The following NANOS3 variants were observed in gnomAD, a reference collection of about 807,000 sequenced individuals.
NANOS3 encodes the protein nanos homolog 3.
A neutral mutation model predicts 13.8 loss-of-function variants in NANOS3; 11 were observed. That is an observed-to-expected ratio of 0.80 (90% CI 0.50 to 1.32). The LOEUF (loss-of-function observed/expected upper bound fraction) is 1.32. Among genes scored for constraint, NANOS3 ranks in the 40% most tolerant of loss-of-function variants. The probability of loss-of-function intolerance (pLI) is 0.00; values close to 1 mark genes in which losing one functional copy is unlikely to be tolerated. For synonymous variants in NANOS3, 119 were observed against 115.4 expected (o/e 1.03, Z -0.20); for missense variants, 221 against 263.8 (o/e 0.84, Z 1.12).
chr19:13,877,379 C>T lies in NANOS3; in HGVS notation c.131C>T (p.Ser44Leu). ...PEPEPMLEPV[S>L]ALEPMPAPES... ...CCAGAGCCAATGCTGGAGCCGGTGTCAGCCCTGGAGCCGATGCCAGCGCCG... is the reference window on the plus strand; with the variant it reads ...CCAGAGCCAATGCTGGAGCCGGTGTTAGCCCTGGAGCCGATGCCAGCGCCG... The change falls in exon 1 of 2, where the codon TCA (serine) becomes TTA (leucine). Residue 44 changes from serine to leucine, a missense_variant. This residue lies in a region of NANOS3 where 112 missense variants were observed against 116.3 expected (regional missense o/e 0.96). Transcript: ENST00000339133. 1.2e-6 allele frequency: 2 copies of T among 1,612,560 alleles called. No homozygotes were observed. Among genetic ancestry groups the T allele is most frequent in the South Asian group, 2.2e-5 (2 of 91,080 alleles).
intron 1 of NANOS3, among the ~76,000 whole-genome samples, chr19:13,868,797 C>T (rs1976281042): frequency 1.3e-5 from 2 of 152,058 alleles, no homozygotes; most frequent in Non-Finnish European, 2.9e-5. Context: ...CTCATAGTGA[C>T]ACCAGCAGAC....
In NANOS3 at chr19:13,880,467, G is replaced by A. The variant is rs765408841; in HGVS notation, c.543G>A (p.Glu181=). 13 of 1,614,042 alleles carry A rather than the reference G, an allele frequency of 8.1e-6. No individual in the cohort carries two copies. In the South Asian group the frequency reaches 1.2e-4, roughly 15 times the overall value. ...GTTTCAGAGGTGCCGGGAAGTCTGA[G>A]CCTTCGCCCTCCTGCTCTCCCTCCA... ...GAGFRGAGKS[E]PSPSCSPSMS... is the part of the protein sequence containing the mutation. The change falls in exon 2 of 2, where the codon GAG becomes GAA. Residue 181 remains glutamate, a synonymous_variant. Transcript: ENST00000339133.
upstream of NANOS3, among the ~76,000 whole-genome samples, chr19:13,862,759 G>A (rs1976177310): frequency 6.6e-6 from 1 of 152,018 alleles, no homozygotes; most frequent in Non-Finnish European, 1.5e-5. Flanking sequence ...GGCTGGTCTC[G>A]AACTCCTGAC....
chr19:13,878,314 C>T (rs1410111839), intron 1 of NANOS3, among the ~76,000 whole-genome samples: 2 of 152,150 alleles, frequency 1.3e-5, no homozygotes, highest in Non-Finnish European at 2.9e-5. Context: ...TCTTGGCTCA[C>T]TGCAACCTCT....
At chr19:13,879,588 C>T (rs753998076) in intron 1 of NANOS3, among the ~76,000 whole-genome samples, 8 of 152,046 alleles carry the variant, frequency 5.3e-5, no homozygotes, top group Non-Finnish European at 8.8e-5. Flanking sequence ...ATTAGCTGGG[C>T]ATGGTAGTGT....
intron 1 of NANOS3, among the ~76,000 whole-genome samples, chr19:13,866,273 G>T (rs546592604): frequency 6.7e-6 from 1 of 148,280 alleles, no homozygotes; most frequent in South Asian, 2.1e-4. Flanking sequence ...GCTGGGGGTG[G>T]GGGGGTGGAA....
upstream of NANOS3, among the ~76,000 whole-genome samples, chr19:13,863,804 A>G (rs1976191594): frequency 6.6e-6 from 1 of 152,102 alleles, no homozygotes; most frequent in African/African-American, 2.4e-5. Context: ...ACCTGGAACC[A>G]GACTTTCTGG....
At chr19:13,872,933 C>G (rs901834245), upstream of NANOS3, among the ~76,000 whole-genome samples, 1 of 145,318 alleles carries the variant, frequency 6.9e-6, no homozygotes, top group Non-Finnish European at 1.5e-5. Flanking sequence ...TTCGGGAGGG[C>G]GAGTTAGCCG....
upstream of NANOS3, chr19:13,874,695 G>A (rs755031315): frequency 2.3e-5 from 12 of 530,486 alleles, no homozygotes; most frequent in Admixed American, 2.3e-4. Flanking sequence ...CCGACTCCAG[G>A]TCCCGGAAAA....
intron 1 of NANOS3, among the ~76,000 whole-genome samples, chr19:13,871,777 G>C (rs1424798348): frequency 2.6e-5 from 4 of 152,184 alleles, no homozygotes; most frequent in African/African-American, 9.7e-5. Flanking sequence ...GGAGGCCCAG[G>C]AGTTCGCGAC....
chr19:13,877,706 G>T lies in NANOS3; in HGVS notation c.458G>T (p.Arg153Leu). ...TRNSAGKKLV[R>L]PDKAKTQDTG... is the part of the protein sequence containing the mutation. Reference sequence around the variant, plus strand: ...AACTCGGCAGGCAAGAAGCTGGTCCGGCCTGACAAGGCGAAGACACAGGAC... The same window carrying T: ...AACTCGGCAGGCAAGAAGCTGGTCCTGCCTGACAAGGCGAAGACACAGGAC... Residue 153 changes from arginine to leucine, a missense_variant, in exon 1 of 2, where the codon CGG becomes CTG. Physicochemically the swap from Arg to Leu is moderately radical, Grantham distance 102 (BLOSUM62 -2). Coordinates refer to ENST00000339133, the MANE Select transcript of NANOS3 (RefSeq NM_001098622.3). The T allele has an allele frequency of 1.2e-6, 2 of 1,605,148 alleles. No homozygotes were observed. The highest frequency in any genetic ancestry group is 1.7e-6 in the Non-Finnish European group (2 of 1,176,952).
In NANOS3 at chr19:13,877,631, G is replaced by T; in HGVS notation, c.383G>T (p.Cys128Phe). 6.2e-7 allele frequency: 1 copy of T among 1,612,272 alleles called. No individual in the cohort carries two copies. Residue 128 changes from cysteine to phenylalanine, a missense_variant, in exon 1 of 2, where the codon TGC becomes TTC. Cys to Phe is a radical substitution (Grantham distance 205, BLOSUM62 -2). Around this residue, in one of 3 missense-constraint regions of NANOS3, gnomAD observed 49 missense variants for 91.0 expected, o/e 0.54. Coordinates refer to ENST00000339133, the MANE Select transcript of NANOS3 (RefSeq NM_001098622.3). ...GAGCGCGCCCACACCCGACGCTTCT[G>T]CCCACTTACTGGCCAGGGCTACACC... Reference protein sequence around the residue: ...TRERAHTRRFCPLTGQGYTSV... With the variant: ...TRERAHTRRFFPLTGQGYTSV...
At chr19:13,870,886 G>A (rs558591771) in intron 1 of NANOS3, among the ~76,000 whole-genome samples, 4 of 151,846 alleles carry the variant, frequency 2.6e-5, no homozygotes, top group East Asian at 3.9e-4. Context: ...GGCTCATAAC[G>A]TGGCTTTTAG....
At chr19:13,876,931 G>A (rs1409483115), upstream of NANOS3, among the ~76,000 whole-genome samples, 4 of 152,120 alleles carry the variant, frequency 2.6e-5, no homozygotes, top group Non-Finnish European at 4.4e-5. Context: ...TGTACGGGGG[G>A]CTGTGGTGCA....
At position 13,877,205 on chromosome 19, in the gene NANOS3, A is replaced by G. The variant is rs745545368; in HGVS notation, c.-44A>G. On this transcript the variant is annotated 5_prime_UTR_variant, in exon 1 of 2. Coordinates refer to ENST00000339133, the MANE Select transcript of NANOS3 (RefSeq NM_001098622.3). Reference sequence around the variant, plus strand: ...GAGGGAGCTTAAGCCAGGCAGGGTTACTTGTCTCTGTGACTCCTTCCGCCT... The same window carrying G: ...GAGGGAGCTTAAGCCAGGCAGGGTTGCTTGTCTCTGTGACTCCTTCCGCCT... 1 of 1,528,246 alleles carries G rather than the reference A, an allele frequency of 6.5e-7. No homozygotes were observed. Among genetic ancestry groups the G allele is most frequent in the Non-Finnish European group, 8.9e-7 (1 of 1,118,578 alleles). The allele number at this position is 1,528,246 out of a possible 1,614,324, so 94.7% of individuals were successfully genotyped here. A position where few individuals can be genotyped will look rare whatever the true frequency, so the allele number is the denominator to read the frequency against.
chr19:13,865,903 G>C (rs1036172771), intron 1 of NANOS3, among the ~76,000 whole-genome samples: 1 of 151,880 alleles, frequency 6.6e-6, no homozygotes, highest in Non-Finnish European at 1.5e-5. Flanking sequence ...CTCGGAAATC[G>C]AATGCCAGAA....
chr19:13,880,182 CAG>C (rs1290261689), intron 1 of NANOS3, among the ~76,000 whole-genome samples: 1 of 152,202 alleles, frequency 6.6e-6, no homozygotes, highest in Non-Finnish European at 1.5e-5. Flanking sequence ...TTGGGAGTAA[CAG>C]ATCCGGGGAC....
At chr19:13,878,603 CT>C (rs57017103) in intron 1 of NANOS3, among the ~76,000 whole-genome samples, 2,433 of 145,190 alleles carry the variant, frequency 0.017, 48 homozygotes, top group African/African-American at 0.045. Context: ...ATTTTTCTTC[CT>C]TTTTTTTTTT....
Position 13,877,309 on chromosome 19 carries a change from A to T in NANOS3, c.61A>T (p.Ser21Cys). 1 of 1,613,040 alleles carries T rather than the reference A, an allele frequency of 6.2e-7. No individual in the cohort carries two copies. The highest frequency in any genetic ancestry group is 8.5e-7 in the Non-Finnish European group (1 of 1,180,004). Reference sequence around the variant, plus strand: ...TTTGGCACACCTGGTTAGGGCTCTGAGTGGGAAAGAGGGTCCTGAAACCAG... The same window carrying T: ...TTTGGCACACCTGGTTAGGGCTCTGTGTGGGAAAGAGGGTCCTGAAACCAG... ...LGLAHLVRAL[S>C]GKEGPETRLS... Residue 21 changes from serine (S) to cysteine (C), a missense_variant, in exon 1 of 2, where the codon AGT becomes TGT. This residue lies in a region of NANOS3 where 112 missense variants were observed against 116.3 expected (regional missense o/e 0.96). Coordinates refer to ENST00000339133, the MANE Select transcript of NANOS3 (RefSeq NM_001098622.3).
Sources: gnomAD v4.1 joint callset for allele counts (sites outside exome capture counted in the v4.1 genomes callset) on GRCh38, gnomAD v4.1.1 for gene constraint, gnomAD v4.1.1 regional missense constraint, MANE v1.5 for transcripts, NCBI Gene and HGNC (gene_info 2026-07-23, HGNC 2026-07-21) for gene names.